Variants in CELF2 observed in about 807,000 individuals in gnomAD.
The protein encoded by CELF2 is CUG triplet repeat RNA-binding protein 2.
A neutral mutation model predicts 62.6 loss-of-function variants in CELF2; 8 were observed. The ratio of observed to expected loss-of-function variants is 0.13; its 90% confidence interval spans 0.07 to 0.23. CELF2 has a LOEUF of 0.23. CELF2 is among the 10% of genes least tolerant of loss of function. The probability of loss-of-function intolerance (pLI) is 1.00; values close to 1 mark genes in which losing one functional copy is unlikely to be tolerated. For missense variants in CELF2, 333 were observed against 671.0 expected (o/e 0.50, Z 5.56); for synonymous variants, 258 against 250.0 (o/e 1.03, Z -0.30).
At chr10:10,844,499 G>A (rs565933492) in intron 1 of CELF2, among the ~76,000 whole-genome samples, 2 of 152,202 alleles carry the variant, frequency 1.3e-5, no homozygotes, top group African/African-American at 2.4e-5. Flanking sequence ...CTCTAAGTGG[G>A]GAGAGAGAGT....
intron 4 of CELF2, among the ~76,000 whole-genome samples, chr10:11,256,356 G>C (rs1390693763): frequency 6.6e-6 from 1 of 152,158 alleles, no homozygotes; most frequent in Non-Finnish European, 1.5e-5. Context: ...AGAAGGAACT[G>C]GCCCCAGTAA....
intron 2 of CELF2, among the ~76,000 whole-genome samples, chr10:10,984,619 C>T (rs1346244054): frequency 6.6e-6 from 1 of 152,094 alleles, no homozygotes; most frequent in African/African-American, 2.4e-5. Context: ...AGCATGCATG[C>T]CCTCCCTTTA....
At chr10:10,553,178 A>G in the CELF2 span, among the ~76,000 whole-genome samples, 1 of 152,218 alleles carries the variant, frequency 6.6e-6, no homozygotes, top group Non-Finnish European at 1.5e-5. Flanking sequence ...ATATGGTGAC[A>G]GGCAAGAGAG....
At chr10:10,656,492 C>A in the CELF2 span, among the ~76,000 whole-genome samples, 1 of 134,822 alleles carries the variant, frequency 7.4e-6, no homozygotes, top group African/African-American at 2.7e-5. Flanking sequence ...GAATGATAGA[C>A]TGGATTAAGA....
At chr10:11,029,472 A>T (rs995383392) in intron 1 of CELF2, among the ~76,000 whole-genome samples, 1 of 152,244 alleles carries the variant, frequency 6.6e-6, no homozygotes, top group African/African-American at 2.4e-5. Flanking sequence ...AATATCCTCC[A>T]CGACGGGCCA....
the CELF2 span, among the ~76,000 whole-genome samples, chr10:10,661,549 G>A: frequency 6.6e-6 from 1 of 152,158 alleles, no homozygotes; most frequent in East Asian, 1.9e-4. Context: ...ACCTAGGAGT[G>A]GAATTGCTGG....
At chr10:11,059,234 G>A (rs1274072478) in intron 1 of CELF2, among the ~76,000 whole-genome samples, 1 of 152,188 alleles carries the variant, frequency 6.6e-6, no homozygotes. Context: ...TCAGTCAGCT[G>A]AAATACACAT....
chr10:11,139,834 A>G (rs1233570503), intron 1 of CELF2, among the ~76,000 whole-genome samples: 1 of 147,738 alleles, frequency 6.8e-6, no homozygotes, highest in Admixed American at 6.7e-5. Flanking sequence ...AGACCACATC[A>G]TTCAGTTTTT....
At chr10:10,767,651 A>G in the CELF2 span, among the ~76,000 whole-genome samples, 1 of 152,148 alleles carries the variant, frequency 6.6e-6, no homozygotes, top group South Asian at 2.1e-4. Flanking sequence ...CCAAGGGGCC[A>G]TATGAATCAC....
chr10:10,908,142 C>A (rs1258595468), intron 1 of CELF2, among the ~76,000 whole-genome samples: 1 of 150,596 alleles, frequency 6.6e-6, no homozygotes, highest in Admixed American at 6.6e-5. Flanking sequence ...CCTCGGGGAG[C>A]CTCACTTTAC....
chr10:10,568,207 G>A, the CELF2 span, among the ~76,000 whole-genome samples: 3 of 152,046 alleles, frequency 2.0e-5, no homozygotes, highest in East Asian at 3.9e-4. Context: ...GAAAGCATGG[G>A]ATGGTAACTG....
intron 1 of CELF2, among the ~76,000 whole-genome samples, chr10:10,837,007 TACCTCTGC>T (rs889683301): frequency 7.2e-5 from 11 of 152,226 alleles, no homozygotes; most frequent in African/African-American, 2.7e-4. Flanking sequence ...AAGTATTTCT[TACCTCTGC>T]ACCTTTGCCT....
intron 2 of CELF2, among the ~76,000 whole-genome samples, chr10:10,954,530 G>A (rs1349758325): frequency 6.6e-6 from 1 of 152,124 alleles, no homozygotes; most frequent in Non-Finnish European, 1.5e-5. Flanking sequence ...ACAGGCGTGA[G>A]CCACCGCACC....
the CELF2 span, among the ~76,000 whole-genome samples, chr10:10,507,329 G>GT: frequency 2.0e-5 from 3 of 151,978 alleles, no homozygotes; most frequent in East Asian, 5.8e-4. Flanking sequence ...GAAACAAAAT[G>GT]TCCCCCAGCT....
At chr10:10,632,238 C>T in the CELF2 span, among the ~76,000 whole-genome samples, 1 of 152,142 alleles carries the variant, frequency 6.6e-6, no homozygotes, top group African/African-American at 2.4e-5. Flanking sequence ...TAAGGAATCC[C>T]TCATAGAGAC....
chr10:10,783,720 C>T, the CELF2 span, among the ~76,000 whole-genome samples: 2 of 152,338 alleles, frequency 1.3e-5, no homozygotes, highest in South Asian at 2.1e-4. Flanking sequence ...GGCACAGTGG[C>T]TCATGCCTAT....
At chr10:10,647,605 C>T in the CELF2 span, among the ~76,000 whole-genome samples, 1 of 152,262 alleles carries the variant, frequency 6.6e-6, no homozygotes, top group Non-Finnish European at 1.5e-5. Context: ...ATGGTGCCTC[C>T]GTGGACAGCA....
intron 2 of CELF2, among the ~76,000 whole-genome samples, chr10:10,951,157 C>A (rs532505125): frequency 6.6e-6 from 1 of 152,144 alleles, no homozygotes; most frequent in Non-Finnish European, 1.5e-5. Context: ...CCTCCTTTTT[C>A]TTTTCTTTTT....
the CELF2 span, among the ~76,000 whole-genome samples, chr10:10,468,222 T>C: frequency 6.6e-6 from 1 of 152,014 alleles, no homozygotes; most frequent in Admixed American, 6.6e-5. Context: ...AACACTCTTA[T>C]ACAATAAACA....
Sources: allele counts gnomAD v4.1 joint callset (sites outside exome capture counted in the v4.1 genomes callset), GRCh38; gene constraint gnomAD v4.1.1; transcripts MANE v1.5; gene names NCBI Gene and HGNC (gene_info 2026-07-23, HGNC 2026-07-21).